Variants in MAP2K5 observed in about 807,000 individuals in gnomAD.
MAP2K5 encodes the protein mitogen-activated protein kinase kinase 5.
MAP2K5 carries 49 observed loss-of-function variants against 83.1 expected under a neutral mutation model. The observed-to-expected ratio is 0.59, with a 90% CI of 0.47 to 0.75. The LOEUF (loss-of-function observed/expected upper bound fraction) is 0.75. MAP2K5 is among the 30% of genes least tolerant of loss of function. MAP2K5 has a pLI of 0.00. For missense variants in MAP2K5, 457 were observed against 557.5 expected, an observed-to-expected ratio of 0.82 and a Z score of 1.82; for synonymous variants, 202 against 191.8, an observed-to-expected ratio of 1.05 and a Z score of -0.44.
chr15:67,779,921 GC>G lies in MAP2K5; in HGVS notation c.1242+7171del, dbSNP rs1318567143. Among the ~76,000 whole-genome samples, 1 of 152,096 alleles carries G rather than the reference GC, an allele frequency of 6.6e-6. No homozygotes were observed. The highest frequency in any genetic ancestry group is 2.4e-5 in the African/African-American group (1 of 41,416). On this transcript the variant is annotated intron_variant, in intron 21 of 21. Coordinates refer to ENST00000178640, the MANE Select transcript of MAP2K5 (RefSeq NM_145160.3). The surrounding 1 kb of genome is among the most constrained non-coding windows in gnomAD (Gnocchi z 4.6). ...TATGTTACACTTTAGTTCCTCATTGGCCATGACTCAGCTCACTAGAACTTTC... is the reference window on the plus strand; with the variant it reads ...TATGTTACACTTTAGTTCCTCATTGGCATGACTCAGCTCACTAGAACTTTC...
chr15:67,664,967 C>T (rs1392986423), intron 13 of MAP2K5, among the ~76,000 whole-genome samples: 1 of 152,178 alleles, frequency 6.6e-6, no homozygotes, highest in East Asian at 1.9e-4. Context: ...TGTACAATTA[C>T]ATCCTTCCTT....
Position 67,806,790 on chromosome 15 carries a change from A to G in MAP2K5, c.*40A>G. The stretch of plus-strand genomic sequence containing the variant: ...ACTGAAAGCCCAGGACCAGTAACCA[A>G]GGAGAACAACCCACCCGTCGCCCTT... On this transcript the variant is annotated 3_prime_UTR_variant, in exon 22 of 22. Coordinates refer to ENST00000178640, the MANE Select transcript of MAP2K5 (RefSeq NM_145160.3). The G allele has an allele frequency of 1.3e-6, 2 of 1,593,406 alleles. No homozygotes were observed. Among genetic ancestry groups the G allele is most frequent in the Non-Finnish European group, 1.7e-6 (2 of 1,176,178 alleles).
At chr15:67,667,318 G>A (rs2087405182) in intron 13 of MAP2K5, among the ~76,000 whole-genome samples, 1 of 152,112 alleles carries the variant, frequency 6.6e-6, no homozygotes, top group Admixed American at 6.6e-5. Context: ...TTCAGCTAAG[G>A]CAATTAAATA....
In MAP2K5 at chr15:67,782,614, G is replaced by A. The variant is rs566540095; in HGVS notation, c.1242+9862G>A. ...CTATGAAGGGCCCCCGTGTTTAAAC[G>A]GGCTTGACAGGAATTTAAATTTTGT... On this transcript the variant is annotated intron_variant, in intron 21 of 21. Coordinates refer to ENST00000178640, the MANE Select transcript of MAP2K5 (RefSeq NM_145160.3). This position sits in a 1 kb window ranked among gnomAD's most constrained non-coding sequence, Gnocchi z 4.9. 4.6e-5 allele frequency among the ~76,000 whole-genome samples: 7 copies of A among 152,260 alleles called. No individual in the cohort carries two copies. The highest frequency in any genetic ancestry group is 3.3e-4 in the Admixed American group (5 of 15,290).
chr15:67,642,327 A>C (rs2086731154), intron 9 of MAP2K5: 3 of 892,650 alleles, frequency 3.4e-6, no homozygotes, highest in Non-Finnish European at 5.1e-6. Flanking sequence ...CCCTGTGTGG[A>C]GTGCTGGGGG....
intron 8 of MAP2K5, among the ~76,000 whole-genome samples, chr15:67,608,169 C>A (rs1029692337): frequency 6.6e-6 from 1 of 152,170 alleles, no homozygotes; most frequent in Admixed American, 6.5e-5. Flanking sequence ...CCATTTGAAT[C>A]TATTCCCTGC....
rs1003397544 is a variant in MAP2K5 at position 67,548,945 on chromosome 15, T to C, written c.136-1089T>C. The C allele has an allele frequency of 2.7e-6, 3 of 1,114,148 alleles. No individual in the cohort carries two copies. In the African/African-American group the frequency reaches 4.8e-5, roughly 18 times the overall value. The allele number at this position is 1,114,148 out of a possible 1,614,324, so 69.0% of individuals were successfully genotyped here. ...AAAAAAAGCACTATAGAGGCAAGACTATTATGCAAATTGCCACTGCAGCAA... is the reference window on the plus strand; with the variant it reads ...AAAAAAAGCACTATAGAGGCAAGACCATTATGCAAATTGCCACTGCAGCAA... On this transcript the variant is annotated intron_variant, in intron 1 of 21. Coordinates refer to ENST00000178640, the MANE Select transcript of MAP2K5 (RefSeq NM_145160.3).
Position 67,779,922 on chromosome 15 carries a change from C to G in MAP2K5, c.1242+7170C>G, listed in dbSNP as rs1311970780. 6.6e-6 allele frequency among the ~76,000 whole-genome samples: 1 copy of G among 152,156 alleles called. No homozygotes were observed. The highest frequency in any genetic ancestry group is 2.1e-4 in the South Asian group (1 of 4,834). On this transcript the variant is annotated intron_variant, in intron 21 of 21. Coordinates refer to ENST00000178640, the MANE Select transcript of MAP2K5 (RefSeq NM_145160.3). The surrounding 1 kb of genome is among the most constrained non-coding windows in gnomAD (Gnocchi z 4.6). Reference sequence around the variant, plus strand: ...ATGTTACACTTTAGTTCCTCATTGGCCATGACTCAGCTCACTAGAACTTTC... The same window carrying G: ...ATGTTACACTTTAGTTCCTCATTGGGCATGACTCAGCTCACTAGAACTTTC...
chr15:67,612,087 T>G (rs996307032), intron 8 of MAP2K5, among the ~76,000 whole-genome samples: 4 of 151,680 alleles, frequency 2.6e-5, no homozygotes, highest in Non-Finnish European at 5.9e-5. Context: ...TTTTTTTTTT[T>G]TTTTCACTGC....
At chr15:67,763,669 C>T (rs917500183) in intron 19 of MAP2K5, among the ~76,000 whole-genome samples, 5 of 150,984 alleles carry the variant, frequency 3.3e-5, no homozygotes, top group African/African-American at 7.3e-5. Flanking sequence ...TAAACAAACT[C>T]GATTTTCTCC....
chr15:67,628,881 G>A (rs2086391180), intron 8 of MAP2K5: 2 of 749,306 alleles, frequency 2.7e-6, no homozygotes, highest in Admixed American at 1.7e-5. Context: ...GGTGGATATG[G>A]CGGCAGTGGG....
In MAP2K5 at chr15:67,665,516, CTG is replaced by C. The variant is rs1426373792; in HGVS notation, c.847+874_847+875del. Among the ~76,000 whole-genome samples the C allele has an allele frequency of 2.0e-5, 3 of 152,076 alleles. No homozygotes were observed. The highest frequency in any genetic ancestry group is 2.1e-4 in the South Asian group (1 of 4,820). ...AAGTTTTTTCTTTTAAGGATATAAA[CTG>C]TGAGATGGAGAAAACAACTGATATT... On this transcript the variant is annotated intron_variant, in intron 13 of 21. Coordinates refer to ENST00000178640, the MANE Select transcript of MAP2K5 (RefSeq NM_145160.3). This position sits in a 1 kb window ranked among gnomAD's most constrained non-coding sequence, Gnocchi z 4.2.
rs532675324 is a variant in MAP2K5, at chr15:67,768,270, T to C, written c.1135-1332T>C. 2.6e-5 allele frequency among the ~76,000 whole-genome samples: 4 copies of C among 152,340 alleles called. No homozygotes were observed. The South Asian group carries it at 8.3e-4, about 32-fold the overall frequency. ...ATTATATGTATATTTACTAATCACA[T>C]AGGAGGCTGTGCAATTGTATCTATC... On this transcript the variant is annotated intron_variant, in intron 19 of 21. Coordinates refer to ENST00000178640, the MANE Select transcript of MAP2K5 (RefSeq NM_145160.3). The surrounding 1 kb of genome is among the most constrained non-coding windows in gnomAD (Gnocchi z 4.0).
At chr15:67,627,083 G>A (rs2096428858) in intron 8 of MAP2K5, among the ~76,000 whole-genome samples, 1 of 152,016 alleles carries the variant, frequency 6.6e-6, no homozygotes, top group South Asian at 2.1e-4. Context: ...GGACTATAGA[G>A]GACTACAGGC....
intron 11 of MAP2K5, among the ~76,000 whole-genome samples, chr15:67,651,755 T>C (rs1168081679): frequency 6.6e-6 from 1 of 152,242 alleles, no homozygotes; most frequent in East Asian, 1.9e-4. Context: ...ATCTTTATTT[T>C]TTCTTCGATG....
At position 67,624,208 on chromosome 15, in the gene MAP2K5, G is replaced by A. The variant is rs553397078; in HGVS notation, c.546-6680G>A. On this transcript the variant is annotated intron_variant, in intron 8 of 21. Coordinates refer to ENST00000178640, the MANE Select transcript of MAP2K5 (RefSeq NM_145160.3). ...CAAAATATTAGCCAGGCGTGCTGGCGGGTACCTGTAGTCTTAGCTACTCGG... is the reference window on the plus strand; with the variant it reads ...CAAAATATTAGCCAGGCGTGCTGGCAGGTACCTGTAGTCTTAGCTACTCGG... Among the ~76,000 whole-genome samples, 6 of 151,854 alleles carry A rather than the reference G, an allele frequency of 4.0e-5. No homozygotes were observed. The East Asian group carries it at 5.9e-4, about 15-fold the overall frequency.
At chr15:67,582,055 A>ATTTTTTTTTT (rs1233297576) in intron 4 of MAP2K5, among the ~76,000 whole-genome samples, 2 of 134,866 alleles carry the variant, frequency 1.5e-5, no homozygotes. Flanking sequence ...GATGTAGATG[A>ATTTTTTTTTT]TTTCTTTTTT....
chr15:67,598,115 G>C (rs35733169), intron 7 of MAP2K5, among the ~76,000 whole-genome samples: 62,689 of 151,484 alleles, frequency 0.41, 14,016 homozygotes, highest in Non-Finnish European at 0.51. Context: ...TGAGGCAGGA[G>C]AATCATTTGA....
intron 3 of MAP2K5, among the ~76,000 whole-genome samples, chr15:67,569,647 CAGA>C (rs2084911526): frequency 6.6e-6 from 1 of 152,080 alleles, no homozygotes; most frequent in South Asian, 2.1e-4. Context: ...TAGCAAGGAG[CAGA>C]AGCATATTCA....
Sources: gnomAD v4.1 joint callset for allele counts (sites outside exome capture counted in the v4.1 genomes callset) on GRCh38, gnomAD v4.1.1 for gene constraint, Gnocchi (gnomAD v3.1) non-coding constraint, MANE v1.5 for transcripts, NCBI Gene and HGNC (gene_info 2026-07-23, HGNC 2026-07-21) for gene names.